Variants in CIB1 observed in about 807,000 individuals in gnomAD.
CIB1 encodes the protein calcium and integrin-binding protein 1.
Under a neutral mutation model 25.0 loss-of-function variants are expected in CIB1, and 19 were observed. The ratio of observed to expected loss-of-function variants is 0.76; its 90% confidence interval spans 0.53 to 1.12. The LOEUF is 1.12. CIB1 is among the 50% of genes most tolerant of loss of function. The pLI is 0.00. For missense variants in CIB1, 236 were observed against 242.6 expected (o/e 0.97, Z 0.18); for synonymous variants, 104 against 98.5 (o/e 1.06, Z -0.33).
At chr15:90,264,063 GTA>G in the CIB1 span, 1 of 1,522,128 alleles carries the variant, frequency 6.6e-7, no homozygotes, top group South Asian at 1.2e-5. Context: ...CTAGCCGTAA[GTA>G]TGCAAAACTA....
the CIB1 span, among the ~76,000 whole-genome samples, chr15:90,249,355 G>T: frequency 6.6e-6 from 1 of 152,196 alleles, no homozygotes; most frequent in Admixed American, 6.5e-5. Flanking sequence ...GAAGCGGGAG[G>T]GCTGCAAGTC....
chr15:90,264,422 C>CA, the CIB1 span, among the ~76,000 whole-genome samples: 166 of 152,322 alleles, frequency 1.1e-3, 1 homozygote, highest in African/African-American at 3.6e-3. Flanking sequence ...CCACCTGAAT[C>CA]AGTCTCCCAA....
chr15:90,251,614 C>T, the CIB1 span: 5 of 1,612,794 alleles, frequency 3.1e-6, no homozygotes, highest in East Asian at 4.5e-5. Flanking sequence ...CAGCCCGTCG[C>T]TCACACTGTG....
the CIB1 span, among the ~76,000 whole-genome samples, chr15:90,239,775 C>G: frequency 6.6e-6 from 1 of 152,196 alleles, no homozygotes; most frequent in Non-Finnish European, 1.5e-5. Flanking sequence ...ATGGTGCGAT[C>G]TCGGCAGTGC....
chr15:90,252,738 C>T, the CIB1 span, among the ~76,000 whole-genome samples: 1 of 152,146 alleles, frequency 6.6e-6, no homozygotes, highest in Non-Finnish European at 1.5e-5. Context: ...CACGGTGGCT[C>T]ATGCCTGTAA....
chr15:90,252,624 A>G, the CIB1 span, among the ~76,000 whole-genome samples: 1 of 152,212 alleles, frequency 6.6e-6, no homozygotes, highest in Non-Finnish European at 1.5e-5. Flanking sequence ...ATAAGGAACC[A>G]CACAAGTATG....
upstream of CIB1, among the ~76,000 whole-genome samples, chr15:90,237,635 TA>T (rs1272122082): frequency 2.0e-5 from 3 of 152,182 alleles, no homozygotes; most frequent in Non-Finnish European, 4.4e-5. Context: ...TTAATGACGT[TA>T]AACATCCCAA....
At chr15:90,250,760 G>A in the CIB1 span, 1 of 1,614,134 alleles carries the variant, frequency 6.2e-7, no homozygotes, top group Non-Finnish European at 8.5e-7. Context: ...CTTAAAAGCT[G>A]ACTATAAGGC....
the CIB1 span, among the ~76,000 whole-genome samples, chr15:90,246,773 G>A: frequency 1.0e-5 from 1 of 100,342 alleles, no homozygotes; most frequent in Non-Finnish European, 1.8e-5. Context: ...GGGCAACAGA[G>A]TGAGACTCTG....
At chr15:90,230,549 G>A (rs1962451632) in intron 6 of CIB1, 44 bp from the exon 7 acceptor site, 1 of 1,550,288 alleles carries the variant, frequency 6.5e-7, no homozygotes, top group Non-Finnish European at 8.7e-7. Context: ...GAAGAGGAGG[G>A]CAGGGACTAA....
chr15:90,256,585 C>CT, the CIB1 span, among the ~76,000 whole-genome samples: 2 of 34,624 alleles, frequency 5.8e-5, no homozygotes, highest in Admixed American at 4.2e-4. Flanking sequence ...TTCTTTCTTT[C>CT]TTTCTTTCTT....
At chr15:90,255,771 C>G in the CIB1 span, 13 of 1,614,058 alleles carry the variant, frequency 8.1e-6, no homozygotes, top group Non-Finnish European at 1.1e-5. Context: ...AACCACTTCC[C>G]TGGCATGACA....
chr15:90,264,173 G>A, the CIB1 span: 1 of 667,846 alleles, frequency 1.5e-6, no homozygotes. Context: ...TAAGAATGGG[G>A]AAGTTAGGGT....
At chr15:90,257,888 C>A in the CIB1 span, 2 of 937,154 alleles carry the variant, frequency 2.1e-6, no homozygotes, top group Non-Finnish European at 3.2e-6. Context: ...CAGCCCCAAA[C>A]CTCACCCTGA....
the CIB1 span, chr15:90,245,012 C>A: frequency 6.6e-6 from 1 of 152,280 alleles, no homozygotes; most frequent in African/African-American, 2.4e-5. Flanking sequence ...TCTCTGCCTC[C>A]CAAACTGTGG....
chr15:90,241,596 G>A, the CIB1 span: 36 of 1,613,570 alleles, frequency 2.2e-5, no homozygotes, highest in East Asian at 1.1e-4. Context: ...CAGACTGCCC[G>A]TGGAGCAGGC....
At chr15:90,248,435 C>T in the CIB1 span, among the ~76,000 whole-genome samples, 2 of 152,024 alleles carry the variant, frequency 1.3e-5, no homozygotes, top group Admixed American at 1.3e-4. Flanking sequence ...CTTTTTTAGG[C>T]CGAGTTCAGT....
chr15:90,258,216 A>G, the CIB1 span: 1 of 1,614,256 alleles, frequency 6.2e-7, no homozygotes, highest in Non-Finnish European at 8.5e-7. Flanking sequence ...CTGTTTTGAA[A>G]TCCTTGGTTT....
chr15:90,261,946 C>A, the CIB1 span: 23 of 1,355,278 alleles, frequency 1.7e-5, no homozygotes, highest in Non-Finnish European at 2.2e-5. Flanking sequence ...GTCAGTCTTC[C>A]TTTCCCTACT....
Sources: gnomAD v4.1 joint callset for allele counts (sites outside exome capture counted in the v4.1 genomes callset) on GRCh38, gnomAD v4.1.1 for gene constraint, MANE v1.5 for transcripts, NCBI Gene and HGNC (gene_info 2026-07-23, HGNC 2026-07-21) for gene names.